ERCC6: variants seen among roughly 807,000 people sequenced by gnomAD.
ERCC6 encodes ERCC excision repair 6, chromatin remodeling factor, also known as DNA excision repair protein ERCC-6.
A neutral mutation model predicts 158.7 loss-of-function variants in ERCC6; 116 were observed. The ratio of observed to expected loss-of-function variants is 0.73; its 90% CI spans 0.63 to 0.85. The LOEUF (loss-of-function observed/expected upper bound fraction) is 0.85. ERCC6 is among the 40% of genes least tolerant of loss of function. The probability of loss-of-function intolerance (pLI) is 0.00; values close to 1 mark genes in which losing one functional copy is unlikely to be tolerated. For synonymous variants in ERCC6, 678 were observed against 659.3 expected (o/e 1.03, Z -0.43); for missense variants, 1,698 against 1,799.4 (o/e 0.94, Z 1.02).
intron 10 of ERCC6, among the ~76,000 whole-genome samples, chr10:49,480,949 T>C (rs1850967999): frequency 6.6e-6 from 1 of 152,214 alleles, no homozygotes; most frequent in Non-Finnish European, 1.5e-5. Flanking sequence ...ACACGGAAAC[T>C]ACTGGAACTG....
At chr10:49,534,956 C>T (rs1475369956) in intron 1 of ERCC6, among the ~76,000 whole-genome samples, 1 of 152,188 alleles carries the variant, frequency 6.6e-6, no homozygotes, top group African/African-American at 2.4e-5. Context: ...CAGAGCAGGG[C>T]AGGTCAGCTA....
chr10:49,448,196 T>C, the ERCC6 span, among the ~76,000 whole-genome samples: 2 of 152,296 alleles, frequency 1.3e-5, no homozygotes, highest in East Asian at 3.9e-4. Context: ...TTGTCAACAT[T>C]TGTTATTGAG....
chr10:49,471,253 C>G (rs1850774567), intron 16 of ERCC6, 133 bp from the exon 17 acceptor site: 1 of 859,834 alleles, frequency 1.2e-6, no homozygotes, highest in Non-Finnish European at 1.8e-6. Context: ...AAACTTTCAG[C>G]CTTGGAAAAT....
rs373710355 is a variant in ERCC6, at chr10:49,483,339, G to A, written c.1992+7C>T. 1.1e-4 allele frequency: 175 copies of A among 1,613,904 alleles called. No homozygotes were observed. In the African/African-American group the frequency reaches 1.9e-3, roughly 18 times the overall value. On this transcript the variant is annotated splice_region_variant and intron_variant, in intron 9 of 20. Coordinates refer to ENST00000355832, the MANE Select transcript of ERCC6 (RefSeq NM_000124.4). ...TTGGAAATCTCCCTTGTTAAAAGAG[G>A]TCATACCTGTTTGCAAGCAAGGGTG...
rs1477718702 is a variant in ERCC6 at position 49,470,262 on chromosome 10, T to G, written c.3698A>C (p.Lys1233Thr). The G allele has an allele frequency of 1.2e-6, 2 of 1,614,216 alleles. No individual in the cohort carries two copies. The highest frequency in any genetic ancestry group is 1.1e-5 in the South Asian group (1 of 91,076). Residue 1233 changes from lysine (K) to threonine (T), a missense_variant, in exon 18 of 21, where the codon AAG (lysine) becomes ACG (threonine). Physicochemically the swap from Lys to Thr is moderately conservative, Grantham distance 78 (BLOSUM62 -1). Coordinates refer to ENST00000355832, the MANE Select transcript of ERCC6 (RefSeq NM_000124.4). ...CTCACTCTTGTTTTCACTGTCTTGCTTCTGGTAACGCCTTTTCTTCACCAG... is the reference window on the plus strand; with the variant it reads ...CTCACTCTTGTTTTCACTGTCTTGCGTCTGGTAACGCCTTTTCTTCACCAG... ...PHLVKKRRYQ[K>T]QDSENKSEAK... is the part of the protein sequence containing the mutation.
chr10:49,482,954 A>C (rs558979472), intron 9 of ERCC6, 91 bp from the exon 10 acceptor site: 1 of 1,326,168 alleles, frequency 7.5e-7, no homozygotes, highest in Non-Finnish European at 1.1e-6. Flanking sequence ...AATTATTTAC[A>C]CATTTACTCA....
Position 49,532,912 on chromosome 10 carries a change from A to G in ERCC6, c.53T>C (p.Leu18Ser). The change falls in exon 2 of 21, where the codon TTA becomes TCA. Residue 18 changes from leucine (L) to serine (S), a missense_variant. By Grantham distance (145) the Leu-to-Ser change is moderately radical (BLOSUM62 -2). Transcript: ENST00000355832. Reference protein sequence around the residue: ...HSSQTQEQDCLQSQPVSNNEE... With the variant: ...HSSQTQEQDCSQSQPVSNNEE... Reference sequence around the variant, plus strand: ...ATTATTACTGACAGGTTGACTCTGTAAACAGTCTTGCTCCTGAGTTTGACT... The same window carrying G: ...ATTATTACTGACAGGTTGACTCTGTGAACAGTCTTGCTCCTGAGTTTGACT... The G allele has an allele frequency of 6.2e-7, 1 of 1,614,224 alleles. No individual in the cohort carries two copies.
rs772285870 is a variant in ERCC6, at chr10:49,516,968, T to C, written c.1397+7065A>G. Reference sequence around the variant, plus strand: ...ACAAAGAACCTGGCAGATTATTTATTGTTCCACCTTCTTCATCTCCTGATT... The same window carrying C: ...ACAAAGAACCTGGCAGATTATTTATCGTTCCACCTTCTTCATCTCCTGATT... On this transcript the variant is annotated intron_variant, in intron 5 of 20. Coordinates refer to ENST00000355832, the MANE Select transcript of ERCC6 (RefSeq NM_000124.4). 6.2e-6 allele frequency: 10 copies of C among 1,614,096 alleles called. No homozygotes were observed. The Admixed American group carries it at 1.0e-4, about 16-fold the overall frequency.
At chr10:49,507,233 A>T (rs1851459356) in intron 5 of ERCC6, among the ~76,000 whole-genome samples, 1 of 152,144 alleles carries the variant, frequency 6.6e-6, no homozygotes, top group South Asian at 2.1e-4. Flanking sequence ...CAACTCTTCA[A>T]GGTAACAAAA....
At position 49,457,023 on chromosome 10, in the gene ERCC6, G is replaced by C. The variant is rs1432852270; in HGVS notation, c.*1792C>G. 1 of 152,200 alleles carries C rather than the reference G, an allele frequency of 6.6e-6. No individual in the cohort carries two copies. Among genetic ancestry groups the C allele is most frequent in the African/African-American group, 2.4e-5 (1 of 41,452 alleles). 9.4% of individuals were successfully genotyped at this position (152,200 alleles called of 1,614,324 possible). ...CCTTGTCTAGCTCAATACAGTTTAT[G>C]TTTCAGACACTATAAGTATGATACC... On this transcript the variant is annotated 3_prime_UTR_variant, in exon 21 of 21. Coordinates refer to ENST00000355832, the MANE Select transcript of ERCC6 (RefSeq NM_000124.4).
intron 20 of ERCC6, 35 bp downstream of exon 20, chr10:49,460,338 C>A: frequency 2.1e-6 from 3 of 1,454,404 alleles, no homozygotes; most frequent in Non-Finnish European, 1.9e-6. Context: ...TCAAGCAAGT[C>A]TCACCCTGGA....
In ERCC6 at chr10:49,456,214, G is replaced by A. The variant is rs1323713285; in HGVS notation, c.*2601C>T. 1 of 152,130 alleles carries A rather than the reference G, an allele frequency of 6.6e-6. No individual in the cohort carries two copies. The highest frequency in any genetic ancestry group is 1.5e-5 in the Non-Finnish European group (1 of 68,042). 9.4% of individuals were successfully genotyped at this position (152,130 alleles called of 1,614,324 possible). On this transcript the variant is annotated 3_prime_UTR_variant, in exon 21 of 21. Transcript: ENST00000355832. ...GGTCAAAGGAGAGCAGTTCAAGACT[G>A]GCAGGCCAACTTCTCCTTCCTCAAC...
chr10:49,479,093 G>A (rs1590413980), intron 10 of ERCC6, among the ~76,000 whole-genome samples: 1 of 151,084 alleles, frequency 6.6e-6, no homozygotes, highest in Non-Finnish European at 1.5e-5. Flanking sequence ...CACATGAGAT[G>A]AGTACTAAAT....
chr10:49,516,125 T>G, intron 5 of ERCC6: 1 of 1,614,172 alleles, frequency 6.2e-7, no homozygotes, highest in Non-Finnish European at 8.5e-7. Context: ...GAAGGACAAG[T>G]GACGCACCGA....
At chr10:49,472,557 C>T in intron 15 of ERCC6, 87 bp from the exon 16 acceptor site, 1 of 1,334,642 alleles carries the variant, frequency 7.5e-7, no homozygotes, top group Admixed American at 1.7e-5. Flanking sequence ...CTGGTCACTA[C>T]CTGTCACTCC....
At chr10:49,511,781 G>C (rs1282922171) in intron 5 of ERCC6, among the ~76,000 whole-genome samples, 1 of 152,164 alleles carries the variant, frequency 6.6e-6, no homozygotes, top group Admixed American at 6.5e-5. Flanking sequence ...GTGGTCACTA[G>C]AAGAGAACCC....
At chr10:49,476,436 T>C (rs1410773371) in intron 11 of ERCC6, 126 bp from the exon 12 acceptor site, 1 of 673,518 alleles carries the variant, frequency 1.5e-6, no homozygotes, top group South Asian at 1.7e-5. Flanking sequence ...ATCCCTATTA[T>C]TAATATTAAA....
chr10:49,475,538 A>C (rs1272866314), intron 12 of ERCC6: 2 of 377,598 alleles, frequency 5.3e-6, no homozygotes, highest in East Asian at 7.3e-5. Context: ...ATTGTGAGAG[A>C]TGGTTAAAAG....
chr10:49,489,999 T>A (rs765861192), intron 8 of ERCC6, among the ~76,000 whole-genome samples: 23 of 152,214 alleles, frequency 1.5e-4, no homozygotes, highest in Non-Finnish European at 2.8e-4. Flanking sequence ...TCAACTCACA[T>A]GAAAGTTGCT....
Sources: gnomAD v4.1 joint callset for allele counts (sites outside exome capture counted in the v4.1 genomes callset) on GRCh38, gnomAD v4.1.1 for gene constraint, MANE v1.5 for transcripts, NCBI Gene and HGNC (gene_info 2026-07-23, HGNC 2026-07-21) for gene names.